Variants in KLHDC2 observed in about 807,000 individuals in gnomAD.
KLHDC2 encodes kelch domain-containing protein 2.
Under a neutral mutation model 62.3 loss-of-function variants are expected in KLHDC2, and 38 were observed. The observed-to-expected ratio is 0.61, with a 90% CI of 0.47 to 0.80. The LOEUF is 0.80. Among genes scored for constraint, KLHDC2 ranks in the 30% least tolerant of loss-of-function variants. The pLI, the probability that KLHDC2 is intolerant of heterozygous loss-of-function variation, is 0.00. For missense variants in KLHDC2, 430 were observed against 495.3 expected, an observed-to-expected ratio of 0.87 and a Z score of 1.25; for synonymous variants, 159 against 161.0, an observed-to-expected ratio of 0.99 and a Z score of 0.09.
chr14:49,782,772 G>T (rs1889967900), intron 12 of KLHDC2, 58 bp from the exon 13 acceptor site: 1 of 1,569,050 alleles, frequency 6.4e-7, no homozygotes, highest in South Asian at 1.2e-5. Flanking sequence ...TTTTTCAAGT[G>T]AATGTACTTC....
chr14:49,777,791 A>T, intron 3 of KLHDC2, 48 bp from the exon 4 acceptor site: 1 of 983,526 alleles, frequency 1.0e-6, no homozygotes, highest in Non-Finnish European at 1.5e-6. Flanking sequence ...GCTAAACTTG[A>T]ATTTCTTTCA....
At chr14:49,782,057 G>GTCT (rs139151311) in intron 10 of KLHDC2, 9 of 271,920 alleles carry the variant, frequency 3.3e-5, no homozygotes, top group Middle Eastern at 2.1e-3. Flanking sequence ...CCTACCTATG[G>GTCT]AAGAAGAAGG....
At chr14:49,769,826 C>G in intron 1 of KLHDC2, among the ~76,000 whole-genome samples, 1 of 152,114 alleles carries the variant, frequency 6.6e-6, no homozygotes, top group Admixed American at 6.5e-5. Flanking sequence ...GCCCTAATCC[C>G]GTCTACTTGA....
intron 1 of KLHDC2, chr14:49,768,877 C>A (rs750153754): frequency 3.5e-5 from 16 of 461,338 alleles, no homozygotes; most frequent in Non-Finnish European, 4.2e-5. Flanking sequence ...CTCACTCCCA[C>A]CCCCGTTGTT....
chr14:49,784,637 T>C lies in KLHDC2; in HGVS notation c.*1684T>C. On this transcript the variant is annotated 3_prime_UTR_variant, in exon 13 of 13. Coordinates refer to ENST00000298307, the MANE Select transcript of KLHDC2 (RefSeq NM_014315.3). ...AAATATTTTAGAATTTCATTTCAGC[T>C]ATTTCCTTTTTACGTTCAGAAGATT... The C allele has an allele frequency of 6.2e-7, 1 of 1,603,382 alleles. No individual in the cohort carries two copies. The highest frequency in any genetic ancestry group is 8.5e-7 in the Non-Finnish European group (1 of 1,173,074).
Position 49,783,443 on chromosome 14 carries a change from T to C in KLHDC2, c.*490T>C, listed in dbSNP as rs2139808742. ...CAAAGTGTGGAGGGACCAACAACTG[T>C]TCAGTACTTTGACCTTAATGCTTCA... On this transcript the variant is annotated 3_prime_UTR_variant, in exon 13 of 13. Coordinates refer to ENST00000298307, the MANE Select transcript of KLHDC2 (RefSeq NM_014315.3). 1 of 152,348 alleles carries C rather than the reference T, an allele frequency of 6.6e-6. No individual in the cohort carries two copies. 9.4% of individuals were successfully genotyped at this position (152,348 alleles called of 1,614,324 possible).
Position 49,783,213 on chromosome 14 carries a change from A to G in KLHDC2, c.*260A>G. On this transcript the variant is annotated 3_prime_UTR_variant, in exon 13 of 13. Coordinates refer to ENST00000298307, the MANE Select transcript of KLHDC2 (RefSeq NM_014315.3). ...AGAATGGTTGCTACATTTTCTTTTCAGTAACTTCAGGATATGTATCTGTAG... is the reference window on the plus strand; with the variant it reads ...AGAATGGTTGCTACATTTTCTTTTCGGTAACTTCAGGATATGTATCTGTAG... 1 of 294,884 alleles carries G rather than the reference A, an allele frequency of 3.4e-6. No individual in the cohort carries two copies. Among genetic ancestry groups the G allele is most frequent in the Non-Finnish European group, 6.2e-6 (1 of 161,014 alleles). 18.3% of individuals were successfully genotyped at this position (294,884 alleles called of 1,614,324 possible). A position where few individuals can be genotyped will look rare whatever the true frequency, so the allele number is the denominator to read the frequency against.
chr14:49,772,580 T>A (rs1889686343), intron 2 of KLHDC2, among the ~76,000 whole-genome samples: 1 of 152,254 alleles, frequency 6.6e-6, no homozygotes, highest in Non-Finnish European at 1.5e-5. Flanking sequence ...TACAAAGTAG[T>A]TTTCCCCATG....
chr14:49,785,363 C>T lies in KLHDC2; in HGVS notation c.*2410C>T. 7.3e-7 allele frequency: 1 copy of T among 1,372,920 alleles called. No homozygotes were observed. The allele number at this position is 1,372,920 out of a possible 1,614,324, so 85.0% of individuals were successfully genotyped here. On this transcript the variant is annotated 3_prime_UTR_variant, in exon 13 of 13. Coordinates refer to ENST00000298307, the MANE Select transcript of KLHDC2 (RefSeq NM_014315.3). ...CAGTTACAAAGGCAATTTATACCGCCCTTTACAAAAAATGCTAAAACACTT... is the reference window on the plus strand; with the variant it reads ...CAGTTACAAAGGCAATTTATACCGCTCTTTACAAAAAATGCTAAAACACTT...
intron 1 of KLHDC2, chr14:49,768,840 A>C (rs546339562): frequency 3.8e-5 from 19 of 505,912 alleles, no homozygotes; most frequent in African/African-American, 3.3e-4. Flanking sequence ...GGCTGCTGTC[A>C]TGTCACCCTG....
intron 10 of KLHDC2, 66 bp from the exon 11 acceptor site, chr14:49,782,304 T>G (rs1231410069): frequency 1.0e-6 from 1 of 970,418 alleles, no homozygotes; most frequent in Admixed American, 2.0e-5. Flanking sequence ...ATAGCTCTAT[T>G]CTGTAGTATA....
chr14:49,774,869 T>C, intron 3 of KLHDC2, 191 bp downstream of exon 3: 2 of 577,796 alleles, frequency 3.5e-6, no homozygotes, highest in Non-Finnish European at 6.1e-6. Flanking sequence ...TTATGTAAAA[T>C]CAACTTTTGT....
chr14:49,768,860 A>G (rs1889601058), intron 1 of KLHDC2: 2 of 480,078 alleles, frequency 4.2e-6, no homozygotes, highest in African/African-American at 2.1e-5. Flanking sequence ...GGTGCTCACA[A>G]AGCCAACTCA....
In KLHDC2 at chr14:49,774,672, C is replaced by A. The variant is rs1433363808; in HGVS notation, c.345C>A (p.Thr115=). The A allele has an allele frequency of 7.0e-6, 11 of 1,566,882 alleles. No homozygotes were observed. Among genetic ancestry groups the A allele is most frequent in the Admixed American group, 3.3e-5 (2 of 59,956 alleles). ...GAGGACACCATTCAAGAGGCAATAC[C>A]AATAAGGTTAGTGTTTCTAAGGATT... ...LFGGHHSRGN[T]NKFYMLDSRS... The change falls in exon 3 of 13, where the codon ACC becomes ACA. Residue 115 remains threonine, a synonymous_variant. Coordinates refer to ENST00000298307, the MANE Select transcript of KLHDC2 (RefSeq NM_014315.3).
At position 49,782,457 on chromosome 14, in the gene KLHDC2, T is replaced by A. The variant is rs546261226; in HGVS notation, c.1044T>A (p.Ala348=). The A allele has an allele frequency of 6.2e-7, 1 of 1,609,864 alleles. No individual in the cohort carries two copies. The highest frequency in any genetic ancestry group is 1.1e-5 in the South Asian group (1 of 90,834). Residue 348 remains alanine, a splice_region_variant and synonymous_variant, in exon 11 of 13, where the codon GCT becomes GCA. Transcript: ENST00000298307. ...CANNLLVHHR[A]AHSNEILIFS... is the part of the protein sequence containing the mutation. The stretch of plus-strand genomic sequence containing the variant: ...ACAACTTGCTTGTCCATCACAGAGC[T>A]GTAAGTATACTACCTTCACATTATT...
At chr14:49,778,351 C>T in intron 5 of KLHDC2, 60 bp from the exon 6 acceptor site, 2 of 1,327,036 alleles carry the variant, frequency 1.5e-6, no homozygotes, top group Non-Finnish European at 2.1e-6. Flanking sequence ...GGTAATCAGG[C>T]AGGCTGTCTA....
rs1009751747 is a variant in KLHDC2, at chr14:49,768,519, C to G, written c.51C>G (p.Ala17=). 1 of 1,611,154 alleles carries G rather than the reference C, an allele frequency of 6.2e-7. No homozygotes were observed. Among genetic ancestry groups the G allele is most frequent in the South Asian group, 1.1e-5 (1 of 90,486 alleles). ...GGGCTGACGACTTGCCTGGGCCAGC[C>G]TTCGAGAGCTATGAGTCCATGGAGC... ...DLRADDLPGP[A]FESYESMELA... is the part of the protein sequence containing the mutation. The change falls in exon 1 of 13, where the codon GCC becomes GCG. Residue 17 remains alanine (A), a synonymous_variant. Transcript: ENST00000298307.
chr14:49,773,484 C>T (rs1469880774), intron 2 of KLHDC2, among the ~76,000 whole-genome samples: 3 of 149,624 alleles, frequency 2.0e-5, no homozygotes, highest in Non-Finnish European at 4.4e-5. Context: ...CTTTGGGAGG[C>T]CGAGGTGGGA....
intron 12 of KLHDC2, 60 bp from the exon 13 acceptor site, chr14:49,782,770 G>GTGA: frequency 6.4e-7 from 1 of 1,566,512 alleles, no homozygotes; most frequent in South Asian, 1.2e-5. Flanking sequence ...AGTTTTTCAA[G>GTGA]TGAATGTACT....
Sources: allele counts gnomAD v4.1 joint callset (sites outside exome capture counted in the v4.1 genomes callset), GRCh38; gene constraint gnomAD v4.1.1; transcripts MANE v1.5; gene names NCBI Gene and HGNC (gene_info 2026-07-23, HGNC 2026-07-21).